The following JPH1 variants were observed in gnomAD, a reference collection of about 807,000 sequenced individuals.
JPH1 encodes the protein junctophilin-1.
A neutral mutation model predicts 53.6 loss-of-function variants in JPH1; 12 were observed. That is an observed-to-expected ratio of 0.22 (90% CI 0.14 to 0.36). The LOEUF (loss-of-function observed/expected upper bound fraction) is 0.36. Among genes scored for constraint, JPH1 ranks in the 10% least tolerant of loss-of-function variants. JPH1 has a pLI of 1.00. For synonymous variants in JPH1, 375 were observed against 363.8 expected, an observed-to-expected ratio of 1.03 and a Z score of -0.35; for missense variants, 808 against 905.5, an observed-to-expected ratio of 0.89 and a Z score of 1.38.
Position 74,238,395 on chromosome 8 carries a change from T to C in JPH1, c.1906-1092A>G, listed in dbSNP as rs556071799. Reference sequence around the variant, plus strand: ...ACATCATTGACTCAAGAAGGTCTCTTTCCCTGACTGAGCCCACATCTCCGT... The same window carrying C: ...ACATCATTGACTCAAGAAGGTCTCTCTCCCTGACTGAGCCCACATCTCCGT... On this transcript the variant is annotated intron_variant, in intron 4 of 5. Transcript: ENST00000342232. 2.0e-5 allele frequency among the ~76,000 whole-genome samples: 3 copies of C among 152,320 alleles called. No homozygotes were observed. In the East Asian group the frequency reaches 5.8e-4, roughly 29 times the overall value.
intron 2 of JPH1, among the ~76,000 whole-genome samples, chr8:74,297,232 CTCCGACGGGCAAGGAG>C (rs1743642478): frequency 6.6e-6 from 1 of 152,220 alleles, no homozygotes; most frequent in South Asian, 2.1e-4. Context: ...GTTGATCAGA[CTCCGACGGGCAAGGAG>C]TCCTCTCAAG....
intron 3 of JPH1, among the ~76,000 whole-genome samples, chr8:74,253,563 AG>A (rs1806129671): frequency 6.6e-6 from 1 of 152,146 alleles, no homozygotes; most frequent in Non-Finnish European, 1.5e-5. Context: ...TGAAGGAAAT[AG>A]AGACACAAAA....
chr8:74,247,748 C>T (rs1451922536), intron 3 of JPH1, among the ~76,000 whole-genome samples: 2 of 151,954 alleles, frequency 1.3e-5, no homozygotes, highest in Non-Finnish European at 2.9e-5. Context: ...TTGTGATGCC[C>T]TCGTCACAAA....
intron 4 of JPH1, among the ~76,000 whole-genome samples, chr8:74,240,782 A>G (rs2131374061): frequency 6.6e-6 from 1 of 152,372 alleles, no homozygotes; most frequent in African/African-American, 2.4e-5. Context: ...GGAAAGTGAA[A>G]TAGCAGAGAA....
At chr8:74,242,069 A>G (rs1226678906) in intron 4 of JPH1, among the ~76,000 whole-genome samples, 1 of 152,118 alleles carries the variant, frequency 6.6e-6, no homozygotes, top group Non-Finnish European at 1.5e-5. Context: ...CTTGAGGAAA[A>G]TCTTCCTCAA....
chr8:74,314,061 T>C (rs1038692487), intron 2 of JPH1, among the ~76,000 whole-genome samples: 4 of 152,116 alleles, frequency 2.6e-5, no homozygotes, highest in African/African-American at 9.7e-5. Flanking sequence ...TATTCACCGG[T>C]TTTCTCCTAC....
At chr8:74,247,123 T>A (rs1805882219) in intron 3 of JPH1, among the ~76,000 whole-genome samples, 1 of 152,220 alleles carries the variant, frequency 6.6e-6, no homozygotes, top group East Asian at 1.9e-4. Context: ...GATACTAGTC[T>A]GTCATGGAGA....
At chr8:74,304,986 A>G (rs1586770793) in intron 2 of JPH1, among the ~76,000 whole-genome samples, 1 of 152,240 alleles carries the variant, frequency 6.6e-6, no homozygotes, top group East Asian at 1.9e-4. Context: ...TATTATACAA[A>G]CAAATGTGAA....
chr8:74,294,775 A>G (rs927600506), intron 2 of JPH1, among the ~76,000 whole-genome samples: 2 of 152,230 alleles, frequency 1.3e-5, no homozygotes, highest in Non-Finnish European at 2.9e-5. Context: ...AAATGATCAC[A>G]ACATTTACTC....
intron 3 of JPH1, among the ~76,000 whole-genome samples, chr8:74,255,699 GA>G (rs1325704148): frequency 1.3e-5 from 2 of 151,766 alleles, no homozygotes; most frequent in Admixed American, 6.6e-5. Flanking sequence ...AAATTTACAA[GA>G]AAAAAACAAC....
intron 3 of JPH1, among the ~76,000 whole-genome samples, chr8:74,256,008 G>C (rs2131389549): frequency 6.6e-6 from 1 of 152,298 alleles, no homozygotes; most frequent in Middle Eastern, 3.4e-3. Context: ...TCTAGAACTA[G>C]AAATACCATT....
intron 2 of JPH1, among the ~76,000 whole-genome samples, chr8:74,272,770 A>AT (rs1276166720): frequency 1.6e-3 from 240 of 151,180 alleles, no homozygotes; most frequent in African/African-American, 4.9e-3. Flanking sequence ...TGCCCGGCTA[A>AT]TTTTTTTTTA....
At chr8:74,242,271 AC>A (rs1805718432) in intron 4 of JPH1, among the ~76,000 whole-genome samples, 1 of 152,230 alleles carries the variant, frequency 6.6e-6, no homozygotes, top group African/African-American at 2.4e-5. Context: ...TTGTGTTGAA[AC>A]AAACATCATA....
At chr8:74,296,040 A>ACACACACACACACACACACACACG (rs1490917264) in intron 2 of JPH1, among the ~76,000 whole-genome samples, 6 of 151,912 alleles carry the variant, frequency 3.9e-5, no homozygotes, top group African/African-American at 1.5e-4. Context: ...ACACACACAC[A>ACACACACACACACACACACACACG]CACACGGAGT....
At chr8:74,245,744 A>C (rs1443140137) in intron 3 of JPH1, among the ~76,000 whole-genome samples, 1 of 152,166 alleles carries the variant, frequency 6.6e-6, no homozygotes, top group Non-Finnish European at 1.5e-5. Context: ...AGTGTTTTGC[A>C]GGTATCAAAG....
chr8:74,247,908 T>C (rs1015793028), intron 3 of JPH1, among the ~76,000 whole-genome samples: 5 of 152,212 alleles, frequency 3.3e-5, no homozygotes, highest in African/African-American at 1.2e-4. Flanking sequence ...TTAGGATGTA[T>C]CCTAGTGACC....
At chr8:74,256,249 G>C (rs1168339511) in intron 3 of JPH1, among the ~76,000 whole-genome samples, 1 of 152,044 alleles carries the variant, frequency 6.6e-6, no homozygotes, top group Non-Finnish European at 1.5e-5. Flanking sequence ...GTAGGGACAT[G>C]GATGAAGCTG....
At chr8:74,281,727 C>A (rs1258350580) in intron 2 of JPH1, among the ~76,000 whole-genome samples, 1 of 152,110 alleles carries the variant, frequency 6.6e-6, no homozygotes, top group Non-Finnish European at 1.5e-5. Context: ...CTGACTCATT[C>A]CACAACTATC....
chr8:74,238,684 C>A (rs905946113), intron 4 of JPH1, among the ~76,000 whole-genome samples: 1 of 152,160 alleles, frequency 6.6e-6, no homozygotes, highest in African/African-American at 2.4e-5. Flanking sequence ...TTGAGACAGG[C>A]TCTTGCTCTG....
Sources: gnomAD v4.1 joint callset for allele counts (sites outside exome capture counted in the v4.1 genomes callset) on GRCh38, gnomAD v4.1.1 for gene constraint, MANE v1.5 for transcripts, NCBI Gene and HGNC (gene_info 2026-07-23, HGNC 2026-07-21) for gene names.